Variants in PPARGC1A observed in about 807,000 individuals in gnomAD.
The protein encoded by PPARGC1A is peroxisome proliferator-activated receptor gamma coactivator 1-alpha.
Under a neutral mutation model 88.7 loss-of-function variants are expected in PPARGC1A, and 25 were observed. That is an observed-to-expected ratio of 0.28 (90% CI 0.21 to 0.39). The LOEUF is 0.39. Among genes scored for constraint, PPARGC1A ranks in the 10% least tolerant of loss-of-function variants. The pLI is 1.00. For missense variants in PPARGC1A, 880 were observed against 968.7 expected, an observed-to-expected ratio of 0.91 and a Z score of 1.22; for synonymous variants, 363 against 355.6, an observed-to-expected ratio of 1.02 and a Z score of -0.24.
intron 10 of PPARGC1A, 37 bp from the exon 11 acceptor site, chr4:23,802,382 A>C: frequency 6.2e-7 from 1 of 1,612,222 alleles, no homozygotes; most frequent in Non-Finnish European, 8.5e-7. Flanking sequence ...CTGGAGTGGG[A>C]AAAAAGCTAG....
At chr4:24,299,901 A>T in the PPARGC1A span, among the ~76,000 whole-genome samples, 1 of 152,238 alleles carries the variant, frequency 6.6e-6, no homozygotes, top group African/African-American at 2.4e-5. Flanking sequence ...TATATTAATC[A>T]ACTTCATCTA....
At chr4:24,329,913 T>G in the PPARGC1A span, among the ~76,000 whole-genome samples, 1 of 152,150 alleles carries the variant, frequency 6.6e-6, no homozygotes, top group East Asian at 1.9e-4. Flanking sequence ...GTGAGTATTC[T>G]CTCCTACCTC....
chr4:24,256,784 G>A, the PPARGC1A span, among the ~76,000 whole-genome samples: 1 of 152,166 alleles, frequency 6.6e-6, no homozygotes, highest in African/African-American at 2.4e-5. Flanking sequence ...CGTGATTCCA[G>A]ACGATTTCTT....
At chr4:23,911,092 G>A in the PPARGC1A span, among the ~76,000 whole-genome samples, 771 of 152,236 alleles carry the variant, frequency 5.1e-3, 6 homozygotes, top group Middle Eastern at 0.02. Context: ...CAGAGAAAAT[G>A]GAATCAATGA....
chr4:23,796,222 A>G (rs1011504999), intron 12 of PPARGC1A, among the ~76,000 whole-genome samples: 3 of 152,108 alleles, frequency 2.0e-5, no homozygotes, highest in Admixed American at 1.3e-4. Flanking sequence ...GACACGTCAA[A>G]TGACTTGCCC....
At chr4:23,807,564 T>C (rs1720039403) in intron 10 of PPARGC1A, among the ~76,000 whole-genome samples, 2 of 152,168 alleles carry the variant, frequency 1.3e-5, no homozygotes, top group African/African-American at 4.8e-5. Flanking sequence ...ATAACTACTT[T>C]TTAAAAAAGC....
At chr4:24,331,804 A>T in the PPARGC1A span, among the ~76,000 whole-genome samples, 1 of 151,532 alleles carries the variant, frequency 6.6e-6, no homozygotes, top group African/African-American at 2.4e-5. Context: ...TCTGGGATAC[A>T]TGTGCAGAAC....
the PPARGC1A span, among the ~76,000 whole-genome samples, chr4:24,291,109 G>C: frequency 6.6e-6 from 1 of 152,066 alleles, no homozygotes; most frequent in Admixed American, 6.6e-5. Context: ...ATGGTTTCCT[G>C]ATCTCCAATC....
the PPARGC1A span, among the ~76,000 whole-genome samples, chr4:23,954,591 A>G: frequency 3.9e-5 from 6 of 152,156 alleles, no homozygotes; most frequent in African/African-American, 1.4e-4. Context: ...ATAGATGCCA[A>G]TCTGAAATAT....
At chr4:24,117,658 G>A in the PPARGC1A span, among the ~76,000 whole-genome samples, 8 of 151,588 alleles carry the variant, frequency 5.3e-5, no homozygotes, top group East Asian at 1.9e-4. Context: ...TGGAAAGATC[G>A]CTGCCCCTTC....
At chr4:24,090,802 AT>A in the PPARGC1A span, among the ~76,000 whole-genome samples, 1 of 152,234 alleles carries the variant, frequency 6.6e-6, no homozygotes, top group South Asian at 2.1e-4. Flanking sequence ...ATTCAACAGG[AT>A]TTAGGAAGGG....
chr4:24,286,207 TAG>T, the PPARGC1A span, among the ~76,000 whole-genome samples: 3 of 151,810 alleles, frequency 2.0e-5, no homozygotes, highest in Admixed American at 6.6e-5. Flanking sequence ...GAGAACAAAA[TAG>T]AGTCTTAAAG....
the PPARGC1A span, among the ~76,000 whole-genome samples, chr4:24,071,717 A>G: frequency 2.6e-5 from 4 of 152,166 alleles, no homozygotes; most frequent in African/African-American, 7.2e-5. Context: ...CCTGAGAAGC[A>G]GTACGGTAGA....
chr4:24,407,429 A>G, the PPARGC1A span, among the ~76,000 whole-genome samples: 1 of 152,332 alleles, frequency 6.6e-6, no homozygotes, highest in African/African-American at 2.4e-5. Flanking sequence ...TGAATAATGC[A>G]ATGAGTGGGA....
At chr4:24,004,830 C>T in the PPARGC1A span, among the ~76,000 whole-genome samples, 1 of 152,148 alleles carries the variant, frequency 6.6e-6, no homozygotes, top group Non-Finnish European at 1.5e-5. Context: ...CTCCTCCTTG[C>T]TATTTGAGTG....
At chr4:24,027,763 CATTAAT>C in the PPARGC1A span, among the ~76,000 whole-genome samples, 7 of 152,160 alleles carry the variant, frequency 4.6e-5, no homozygotes, top group African/African-American at 1.4e-4. Context: ...TAATAATTAA[CATTAAT>C]ATTATCATTA....
At chr4:24,307,554 C>G in the PPARGC1A span, among the ~76,000 whole-genome samples, 1 of 151,998 alleles carries the variant, frequency 6.6e-6, no homozygotes, top group Non-Finnish European at 1.5e-5. Flanking sequence ...TTAGCTATCC[C>G]CAAAATAAGA....
the PPARGC1A span, among the ~76,000 whole-genome samples, chr4:23,918,132 A>C: frequency 6.6e-6 from 1 of 152,226 alleles, no homozygotes; most frequent in Admixed American, 6.5e-5. Context: ...CACTTAAAAA[A>C]TATTTACTGC....
intron 2 of PPARGC1A, among the ~76,000 whole-genome samples, chr4:23,841,965 G>T (rs1476788518): frequency 6.6e-6 from 1 of 151,996 alleles, no homozygotes; most frequent in African/African-American, 2.4e-5. Context: ...AACTCACATG[G>T]CTAATGAAAG....
Sources: allele counts gnomAD v4.1 joint callset (sites outside exome capture counted in the v4.1 genomes callset), GRCh38; gene constraint gnomAD v4.1.1; transcripts MANE v1.5; gene names NCBI Gene and HGNC (gene_info 2026-07-23, HGNC 2026-07-21).